The following TOGARAM2 variants were observed in gnomAD, a reference collection of about 807,000 sequenced individuals.
TOGARAM2 encodes TOG array regulator of axonemal microtubules protein 2.
TOGARAM2 carries 85 observed loss-of-function variants against 93.3 expected under a neutral mutation model. That is an observed-to-expected ratio of 0.91 (90% CI 0.76 to 1.09). The LOEUF is 1.09. Among genes scored for constraint, TOGARAM2 ranks in the 50% least tolerant of loss-of-function variants. TOGARAM2 has a pLI of 0.00. For synonymous variants in TOGARAM2, 593 were observed against 552.8 expected, an observed-to-expected ratio of 1.07 and a Z score of -1.02; for missense variants, 1,277 against 1,334.5, an observed-to-expected ratio of 0.96 and a Z score of 0.67.
intron 1 of TOGARAM2, among the ~76,000 whole-genome samples, chr2:28,966,955 AAAAG>A (rs1671874882): frequency 6.6e-6 from 1 of 152,230 alleles, no homozygotes; most frequent in Non-Finnish European, 1.5e-5. Flanking sequence ...TTTCATATGT[AAAAG>A]AAAGCCATAT....
intron 11 of TOGARAM2, among the ~76,000 whole-genome samples, chr2:29,022,545 G>A (rs62130299): frequency 0.19 from 29,342 of 152,262 alleles, 3,463 homozygotes; most frequent in South Asian, 0.31. Flanking sequence ...CCTCCAAGCA[G>A]CCTATGCATG....
At chr2:28,989,600 G>A (rs1008109477) in intron 1 of TOGARAM2, among the ~76,000 whole-genome samples, 1 of 151,398 alleles carries the variant, frequency 6.6e-6, no homozygotes, top group African/African-American at 2.4e-5. Flanking sequence ...GTTTTACTGT[G>A]TTGCCCAGTA....
chr2:28,988,368 C>G (rs1204697121), intron 1 of TOGARAM2, among the ~76,000 whole-genome samples: 1 of 152,148 alleles, frequency 6.6e-6, no homozygotes, highest in Non-Finnish European at 1.5e-5. Flanking sequence ...CAAGGCCGTT[C>G]TACGTGCCCT....
At chr2:29,043,251 G>A (rs778355301) in intron 18 of TOGARAM2, among the ~76,000 whole-genome samples, 1 of 152,094 alleles carries the variant, frequency 6.6e-6, no homozygotes, top group Non-Finnish European at 1.5e-5. Context: ...TTTTAAAGCC[G>A]CTTGATTTGC....
chr2:28,975,024 A>C (rs76463279), intron 1 of TOGARAM2, among the ~76,000 whole-genome samples: 2,460 of 151,158 alleles, frequency 0.016, 65 homozygotes, highest in African/African-American at 0.057. Flanking sequence ...TTTTTCCTCT[A>C]TCATAGTCAT....
intron 6 of TOGARAM2, among the ~76,000 whole-genome samples, chr2:29,010,785 G>A (rs1423094155): frequency 1.3e-5 from 2 of 152,160 alleles, no homozygotes; most frequent in African/African-American, 4.8e-5. Context: ...AATAGTGCTT[G>A]ACACATAGTA....
At chr2:29,008,623 A>C (rs1191419411) in intron 6 of TOGARAM2, among the ~76,000 whole-genome samples, 6 of 151,846 alleles carry the variant, frequency 4.0e-5, no homozygotes, top group African/African-American at 9.7e-5. Context: ...GGCCCGGCTA[A>C]TTTTTGTATT....
intron 18 of TOGARAM2, among the ~76,000 whole-genome samples, chr2:29,041,589 G>A (rs1298078852): frequency 6.6e-6 from 1 of 152,202 alleles, no homozygotes; most frequent in Non-Finnish European, 1.5e-5. Flanking sequence ...GGATGATGTG[G>A]CCTGGTAGCC....
chr2:29,036,588 G>T lies in TOGARAM2; in HGVS notation c.2466G>T (p.Val822=). The change falls in exon 18 of 20, where the codon GTG becomes GTT. Residue 822 remains valine (V), a synonymous_variant. Coordinates refer to ENST00000379558, the MANE Select transcript of TOGARAM2 (RefSeq NM_199280.4). ...TPRLQDSNKK[V]NQWALESFAK... ...GGCTTCAGGATTCCAACAAGAAAGTGAACCAGTGGGCGCTGGAGTCCTTCG... is the reference window on the plus strand; with the variant it reads ...GGCTTCAGGATTCCAACAAGAAAGTTAACCAGTGGGCGCTGGAGTCCTTCG... 6.2e-7 allele frequency: 1 copy of T among 1,613,990 alleles called. No homozygotes were observed. Among genetic ancestry groups the T allele is most frequent in the Non-Finnish European group, 8.5e-7 (1 of 1,179,898 alleles).
At chr2:29,014,683 C>T (rs534953682) in intron 8 of TOGARAM2, 122 bp downstream of exon 8, 88 of 1,295,300 alleles carry the variant, frequency 6.8e-5, no homozygotes, top group Middle Eastern at 2.7e-4. Flanking sequence ...AAGGAGAGCC[C>T]GAGGCAGCCA....
Position 29,017,195 on chromosome 2 carries a change from G to C in TOGARAM2, c.1086G>C (p.Gln362His). ...TISKSAREKM[Q>H]LKQMKEMELL... ...CCAAGTCTGCCCGGGAGAAGATGCAGCTGAAGCAGATGAAGGAGATGGAGC... is the reference window on the plus strand; with the variant it reads ...CCAAGTCTGCCCGGGAGAAGATGCACCTGAAGCAGATGAAGGAGATGGAGC... Residue 362 changes from glutamine to histidine, a missense_variant, in exon 9 of 20, where the codon CAG becomes CAC. By Grantham distance (24) the Gln-to-His change is conservative. Transcript: ENST00000379558. The C allele has an allele frequency of 6.2e-7, 1 of 1,613,948 alleles. No homozygotes were observed. Among genetic ancestry groups the C allele is most frequent in the Admixed American group, 1.7e-5 (1 of 60,014 alleles).
At position 29,017,945 on chromosome 2, in the gene TOGARAM2, G is replaced by T. The variant is rs373794845; in HGVS notation, c.1349G>T (p.Arg450Leu). ...PISRQEPRFA[R>L]HASANSLPAV... ...AGCCGGCAGGAGCCCCGCTTTGCCCGCCACGCCTCAGGTGGGCAGGCCCGA... is the reference window on the plus strand; with the variant it reads ...AGCCGGCAGGAGCCCCGCTTTGCCCTCCACGCCTCAGGTGGGCAGGCCCGA... Residue 450 changes from arginine (R) to leucine (L), a missense_variant, in exon 10 of 20, where the codon CGC (arginine) becomes CTC (leucine). Physicochemically the swap from Arg to Leu is moderately radical, Grantham distance 102. Transcript: ENST00000379558. 6.2e-7 allele frequency: 1 copy of T among 1,603,606 alleles called. No homozygotes were observed. The highest frequency in any genetic ancestry group is 1.3e-5 in the African/African-American group (1 of 74,814).
chr2:28,990,095 A>G (rs375280437), intron 1 of TOGARAM2, among the ~76,000 whole-genome samples: 14 of 152,078 alleles, frequency 9.2e-5, no homozygotes, highest in African/African-American at 3.1e-4. Context: ...GAGGGGTGAG[A>G]TGTATGTGTA....
At chr2:29,042,727 T>G (rs144034628) in intron 18 of TOGARAM2, among the ~76,000 whole-genome samples, 3 of 152,334 alleles carry the variant, frequency 2.0e-5, no homozygotes, top group African/African-American at 7.2e-5. Context: ...ACAAGCCGTT[T>G]CCTAGCTCCG....
In TOGARAM2 at chr2:28,999,552, G is replaced by A. The variant is rs758179597; in HGVS notation, c.427+84G>A. ...CCTCCAGGGCTGTGAGGGTCAGCAG[G>A]CTTCCAGGTGGCATGCTGGGATGCC... On this transcript the variant is annotated intron_variant, in intron 4 of 19. Coordinates refer to ENST00000379558, the MANE Select transcript of TOGARAM2 (RefSeq NM_199280.4). The A allele has an allele frequency of 2.0e-4, 286 of 1,440,932 alleles. 3 individuals are homozygous for A. The highest frequency in any genetic ancestry group is 1.4e-4 in the Admixed American group (5 of 36,982). 89.3% of individuals were successfully genotyped at this position (1,440,932 alleles called of 1,614,324 possible). A position where few individuals can be genotyped will look rare whatever the true frequency, so the allele number is the denominator to read the frequency against.
rs1667112153 is a variant in TOGARAM2 at position 29,052,154 on chromosome 2, G to A, written c.*61G>A. ...ATTTTTTTGATGGACTATTCTCCTG[G>A]TTACTTTCCCCCTTAGAGTTCCAGA... is the stretch of plus-strand genomic sequence containing the variant. On this transcript the variant is annotated 3_prime_UTR_variant, in exon 20 of 20. Transcript: ENST00000379558. 1 of 1,342,596 alleles carries A rather than the reference G, an allele frequency of 7.4e-7. No homozygotes were observed. The highest frequency in any genetic ancestry group is 1.7e-5 in the South Asian group (1 of 58,616). 83.2% of individuals were successfully genotyped at this position (1,342,596 alleles called of 1,614,324 possible).
upstream of TOGARAM2, among the ~76,000 whole-genome samples, chr2:28,979,582 A>AGCTCCTG (rs1365500481): frequency 6.6e-6 from 1 of 152,182 alleles, no homozygotes; most frequent in Non-Finnish European, 1.5e-5. Context: ...TCCATCACTC[A>AGCTCCTG]GCTCCTGAGG....
chr2:28,999,362 C>G lies in TOGARAM2; in HGVS notation c.321C>G (p.Leu107=). 6.2e-7 allele frequency: 1 copy of G among 1,613,586 alleles called. No individual in the cohort carries two copies. The highest frequency in any genetic ancestry group is 8.5e-7 in the Non-Finnish European group (1 of 1,179,746). ...TGGGGGACCAGCCCCTGGTGCTCCTCCCTTCTCCGGAGTCAGAGGCCAACA... is the reference window on the plus strand; with the variant it reads ...TGGGGGACCAGCCCCTGGTGCTCCTGCCTTCTCCGGAGTCAGAGGCCAACA... ...LSLGDQPLVL[L]PSPESEANSV... The change falls in exon 4 of 20, where the codon CTC becomes CTG. Residue 107 remains leucine (L), a synonymous_variant. Transcript: ENST00000379558.
intron 18 of TOGARAM2, among the ~76,000 whole-genome samples, chr2:29,043,234 C>A (rs1666540268): frequency 6.6e-6 from 1 of 152,150 alleles, no homozygotes; most frequent in East Asian, 1.9e-4. Context: ...TCTCCCAGGG[C>A]AAATTATTTT....
Sources: allele counts gnomAD v4.1 joint callset (sites outside exome capture counted in the v4.1 genomes callset), GRCh38; gene constraint gnomAD v4.1.1; transcripts MANE v1.5; gene names NCBI Gene and HGNC (gene_info 2026-07-23, HGNC 2026-07-21).